Variants in CHD7 observed in about 807,000 individuals in gnomAD.
The protein encoded by CHD7 is ATP-dependent chromatin remodeler CHD7.
In CHD7, 24 loss-of-function variants were observed where a neutral mutation model predicts 307.3. The ratio of observed to expected loss-of-function variants is 0.08; its 90% CI spans 0.06 to 0.11. CHD7 has a LOEUF of 0.11. Among genes scored for constraint, CHD7 ranks in the 10% least tolerant of loss-of-function variants. CHD7 has a pLI of 1.00. For synonymous variants in CHD7, 1,363 were observed against 1,349.9 expected, an observed-to-expected ratio of 1.01 and a Z score of -0.21; for missense variants, 3,106 against 3,727.1, an observed-to-expected ratio of 0.83 and a Z score of 4.34.
At chr8:60,767,584 T>TG (rs1171810666) in intron 2 of CHD7, among the ~76,000 whole-genome samples, 1 of 152,216 alleles carries the variant, frequency 6.6e-6, no homozygotes, top group African/African-American at 2.4e-5. Context: ...TCTGTGCTGT[T>TG]GCAGCCACAT....
intron 7 of CHD7, among the ~76,000 whole-genome samples, chr8:60,811,255 A>G (rs757724196): frequency 5.3e-5 from 8 of 152,210 alleles, no homozygotes; most frequent in Non-Finnish European, 1.0e-4. Context: ...AGTTTGTGAA[A>G]TATTAATATG....
rs554647169 is a variant in CHD7, at chr8:60,742,126, C to A, written c.694C>A (p.Pro232Thr). 1,167 of 1,613,972 alleles carry A rather than the reference C, an allele frequency of 7.2e-4. 8 individuals carry two copies. In the South Asian group the frequency reaches 0.012, roughly 16 times the overall value. Residue 232 changes from proline (P) to threonine (T), a missense_variant, in exon 2 of 38, where the codon CCT becomes ACT. Transcript: ENST00000423902. ...QGNPFIATSG[P>T]GHLSHVPQQS... ...AAATCCTTTTATTGCCACCTCAGGA[C>A]CTGGCCACTTGTCCCACGTGCCCCA...
intron 3 of CHD7, among the ~76,000 whole-genome samples, chr8:60,782,465 T>C (rs995235920): frequency 3.9e-5 from 6 of 152,264 alleles, no homozygotes; most frequent in African/African-American, 1.4e-4. Flanking sequence ...TGCAACTTCC[T>C]GCTAAAAATA....
At chr8:60,801,409 C>A in intron 5 of CHD7, 119 bp from the exon 6 acceptor site, 1 of 716,314 alleles carries the variant, frequency 1.4e-6, no homozygotes, top group Non-Finnish European at 2.4e-6. Context: ...TCACTGATAA[C>A]TTTGTACCCA....
At chr8:60,771,916 A>G (rs1298856691) in intron 2 of CHD7, among the ~76,000 whole-genome samples, 8 of 152,220 alleles carry the variant, frequency 5.3e-5, no homozygotes, top group Non-Finnish European at 1.0e-4. Context: ...AGACCTAGCC[A>G]GAATAATTGC....
chr8:60,835,669 T>A (rs1187879051), intron 15 of CHD7, among the ~76,000 whole-genome samples: 1 of 152,200 alleles, frequency 6.6e-6, no homozygotes, highest in Admixed American at 6.5e-5. Context: ...GGAACAGATT[T>A]TGTTGTTTGT....
intron 33 of CHD7, 21 bp from the exon 34 acceptor site, chr8:60,856,424 T>A: frequency 6.3e-7 from 1 of 1,593,274 alleles, no homozygotes. Flanking sequence ...GCAACTCTGT[T>A]CTGTTGGAAT....
intron 1 of CHD7, among the ~76,000 whole-genome samples, chr8:60,700,026 C>T (rs918025412): frequency 5.3e-5 from 8 of 152,052 alleles, no homozygotes; most frequent in African/African-American, 1.9e-4. Context: ...GAGGGGGTTT[C>T]TCCATGTTGG....
intron 8 of CHD7, among the ~76,000 whole-genome samples, chr8:60,817,817 C>T (rs993313363): frequency 1.3e-5 from 2 of 152,170 alleles, no homozygotes; most frequent in Non-Finnish European, 2.9e-5. Flanking sequence ...AAATCATTAG[C>T]CTCCTTTTAG....
intron 1 of CHD7, among the ~76,000 whole-genome samples, chr8:60,700,034 T>A (rs1806682677): frequency 6.6e-6 from 1 of 152,034 alleles, no homozygotes; most frequent in South Asian, 2.1e-4. Context: ...TTCTCCATGT[T>A]GGTTTGGCTG....
chr8:60,775,093 A>T (rs551832107), intron 2 of CHD7, among the ~76,000 whole-genome samples: 51 of 152,138 alleles, frequency 3.4e-4, no homozygotes, highest in African/African-American at 1.2e-3. Context: ...GATTTTGTTT[A>T]TATGGTGAAT....
chr8:60,768,832 A>G (rs1810585900), intron 2 of CHD7, among the ~76,000 whole-genome samples: 1 of 58,596 alleles, frequency 1.7e-5, no homozygotes, highest in South Asian at 1.4e-3. Context: ...TTAAGCTACC[A>G]TGAAAAAAAA....
chr8:60,813,695 A>T (rs1440766380), intron 7 of CHD7, among the ~76,000 whole-genome samples: 1 of 152,078 alleles, frequency 6.6e-6, no homozygotes, highest in African/African-American at 2.4e-5. Flanking sequence ...GTGTATTTTT[A>T]GTGAATTTCC....
intron 13 of CHD7, among the ~76,000 whole-genome samples, chr8:60,826,442 T>A (rs1231102404): frequency 6.6e-6 from 1 of 152,252 alleles, no homozygotes; most frequent in Non-Finnish European, 1.5e-5. Context: ...AATAAGCATC[T>A]TGAGAACTTA....
chr8:60,785,510 T>C (rs1300523194), intron 3 of CHD7, among the ~76,000 whole-genome samples: 2 of 152,236 alleles, frequency 1.3e-5, no homozygotes, highest in Non-Finnish European at 2.9e-5. Context: ...AGTAGTAGTA[T>C]TTGTATAGCA....
intron 2 of CHD7, among the ~76,000 whole-genome samples, chr8:60,768,576 T>A (rs995038887): frequency 6.6e-6 from 1 of 152,210 alleles, no homozygotes; most frequent in East Asian, 1.9e-4. Context: ...TCCTTCCTCA[T>A]TGAGATAAAT....
intron 2 of CHD7, among the ~76,000 whole-genome samples, chr8:60,760,595 C>G (rs1198382707): frequency 3.4e-5 from 5 of 148,356 alleles, no homozygotes; most frequent in African/African-American, 1.2e-4. Flanking sequence ...ACCTACTCAT[C>G]TGACAAAGGG....
At chr8:60,793,058 C>T (rs765342257) in intron 3 of CHD7, among the ~76,000 whole-genome samples, 25 of 152,104 alleles carry the variant, frequency 1.6e-4, no homozygotes, top group Non-Finnish European at 3.4e-4. Flanking sequence ...CCGCTGGTTA[C>T]CAGGGTAATC....
rs1024326558 is a variant in CHD7, at chr8:60,865,739, A to T, written c.8800A>T (p.Ser2934Cys). The change falls in exon 38 of 38, where the codon AGC becomes TGC. Residue 2934 changes from serine to cysteine, a missense_variant. Physicochemically the swap from Ser to Cys is moderately radical, Grantham distance 112. Transcript: ENST00000423902. The surrounding 1 kb of genome is among the most constrained non-coding windows in gnomAD (Gnocchi z 4.3). ...LAGLQNAVGS[S>C]EEKAADKAEG... ...AGGACTTCAGAATGCCGTGGGCTCC[A>T]GCGAAGAAAAGGCTGCTGACAAGGC... is the stretch of plus-strand genomic sequence containing the variant. The T allele has an allele frequency of 1.2e-6, 2 of 1,611,976 alleles. No individual in the cohort carries two copies. Among genetic ancestry groups the T allele is most frequent in the Non-Finnish European group, 1.7e-6 (2 of 1,178,862 alleles).
Sources: allele counts gnomAD v4.1 joint callset (sites outside exome capture counted in the v4.1 genomes callset), GRCh38; gene constraint gnomAD v4.1.1; non-coding constraint Gnocchi (gnomAD v3.1); transcripts MANE v1.5; gene names NCBI Gene and HGNC (gene_info 2026-07-23, HGNC 2026-07-21).